Variants in CD28 observed in about 807,000 individuals in gnomAD.
The protein encoded by CD28 is CD28 molecule, also known as T-cell-specific surface glycoprotein CD28.
A neutral mutation model predicts 21.4 loss-of-function variants in CD28; 8 were observed. The ratio of observed to expected loss-of-function variants is 0.37; its 90% CI spans 0.22 to 0.68. The LOEUF (loss-of-function observed/expected upper bound fraction) is 0.68, where lower values mean the gene tolerates loss of function less well. CD28 is among the 30% of genes least tolerant of loss of function. CD28 has a pLI of 0.55. For synonymous variants in CD28, 106 were observed against 104.0 expected, an observed-to-expected ratio of 1.02 and a Z score of -0.12; for missense variants, 239 against 272.2, an observed-to-expected ratio of 0.88 and a Z score of 0.86.
intron 3 of CD28, among the ~76,000 whole-genome samples, chr2:203,730,393 A>G (rs957299915): frequency 2.6e-5 from 4 of 152,182 alleles, no homozygotes; most frequent in Non-Finnish European, 5.9e-5. Flanking sequence ...TTACGTAATA[A>G]ATGTGGTGTA....
At chr2:203,731,751 A>C (rs1185167726) in intron 3 of CD28, among the ~76,000 whole-genome samples, 1 of 151,330 alleles carries the variant, frequency 6.6e-6, no homozygotes, top group Non-Finnish European at 1.5e-5. Context: ...CATCATAGAC[A>C]CACTGGGTTT....
chr2:203,731,551 T>A (rs1693889632), intron 3 of CD28, among the ~76,000 whole-genome samples: 1 of 152,196 alleles, frequency 6.6e-6, no homozygotes, highest in African/African-American at 2.4e-5. Context: ...CAGAAAGTAG[T>A]TTTGGGAATT....
chr2:203,707,685 C>G (rs1050298248), intron 1 of CD28, among the ~76,000 whole-genome samples: 2 of 152,188 alleles, frequency 1.3e-5, no homozygotes, highest in Non-Finnish European at 2.9e-5. Flanking sequence ...AACTTCATTT[C>G]AGATGAAGAG....
In CD28 at chr2:203,737,221, T is replaced by C. The variant is rs1440571075; in HGVS notation, c.*2309T>C. 2 of 152,142 alleles carry C rather than the reference T, an allele frequency of 1.3e-5. No individual in the cohort carries two copies. Among genetic ancestry groups the C allele is most frequent in the Admixed American group, 1.3e-4 (2 of 15,278 alleles). 9.4% of individuals were successfully genotyped at this position (152,142 alleles called of 1,614,324 possible). On this transcript the variant is annotated 3_prime_UTR_variant, in exon 4 of 4. Coordinates refer to ENST00000324106, the MANE Select transcript of CD28 (RefSeq NM_006139.4). ...TACTGTACTTTGGTTGATTTTTAAG[T>C]GGGCTTCCATTCCATGGATTTAATC...
intron 1 of CD28, among the ~76,000 whole-genome samples, chr2:203,724,769 C>T (rs2106118454): frequency 6.6e-6 from 1 of 152,264 alleles, no homozygotes; most frequent in South Asian, 2.1e-4. Flanking sequence ...CAAAACAAAA[C>T]ACCTGTGTAT....
chr2:203,706,490 A>C, upstream of CD28: 1 of 1,496,164 alleles, frequency 6.7e-7, no homozygotes, highest in Non-Finnish European at 9.0e-7. Flanking sequence ...TCATCAAAAC[A>C]ACGTTATATC....
intron 3 of CD28, among the ~76,000 whole-genome samples, chr2:203,732,484 T>A (rs1022482128): frequency 1.5e-4 from 23 of 152,194 alleles, no homozygotes; most frequent in African/African-American, 5.1e-4. Context: ...GTAGATAGTG[T>A]GTGTACAGGT....
At chr2:203,729,353 G>A (rs1469731628) in intron 2 of CD28, among the ~76,000 whole-genome samples, 2 of 152,142 alleles carry the variant, frequency 1.3e-5, no homozygotes, top group Non-Finnish European at 2.9e-5. Flanking sequence ...GTTAGGTTAA[G>A]GCCATTGGAA....
chr2:203,732,032 T>C (rs1693908865), intron 3 of CD28, among the ~76,000 whole-genome samples: 2 of 152,210 alleles, frequency 1.3e-5, no homozygotes, highest in African/African-American at 2.4e-5. Flanking sequence ...GGGCTCATCT[T>C]TTCCTGCTGT....
At chr2:203,727,816 A>C (rs2106120985) in intron 2 of CD28, among the ~76,000 whole-genome samples, 1 of 152,212 alleles carries the variant, frequency 6.6e-6, no homozygotes, top group South Asian at 2.1e-4. Flanking sequence ...AGTAGCTGGG[A>C]CTACAGGTAC....
In CD28 at chr2:203,737,226, T is replaced by C. The variant is rs1244402624; in HGVS notation, c.*2314T>C. The C allele has an allele frequency of 6.6e-6, 1 of 152,180 alleles. No individual in the cohort carries two copies. The allele number at this position is 152,180 out of a possible 1,614,324, so 9.4% of individuals were successfully genotyped here. A position where few individuals can be genotyped will look rare whatever the true frequency, so the allele number is the denominator to read the frequency against. ...TACTTTGGTTGATTTTTAAGTGGGCTTCCATTCCATGGATTTAATCAGTCC... is the reference window on the plus strand; with the variant it reads ...TACTTTGGTTGATTTTTAAGTGGGCCTCCATTCCATGGATTTAATCAGTCC... On this transcript the variant is annotated 3_prime_UTR_variant, in exon 4 of 4. Coordinates refer to ENST00000324106, the MANE Select transcript of CD28 (RefSeq NM_006139.4).
rs375576413 is a variant in CD28 at position 203,708,224 on chromosome 2, C to A, written c.52+1476C>A. Among the ~76,000 whole-genome samples, 11 of 152,158 alleles carry A rather than the reference C, an allele frequency of 7.2e-5. No homozygotes were observed. In the South Asian group the frequency reaches 2.1e-3, roughly 29 times the overall value. On this transcript the variant is annotated intron_variant, in intron 1 of 3. Transcript: ENST00000324106. The stretch of plus-strand genomic sequence containing the variant: ...TATACCCGTTTATTTTATGGTCTGA[C>A]GTACCAGTGAGCACAAATTGTGTAT...
intron 1 of CD28, among the ~76,000 whole-genome samples, chr2:203,723,866 A>G (rs1693673600): frequency 6.6e-6 from 1 of 152,256 alleles, no homozygotes; most frequent in East Asian, 1.9e-4. Context: ...GAGTTACCAT[A>G]TGACCCAGCA....
At chr2:203,709,945 G>T (rs1693266024) in intron 1 of CD28, among the ~76,000 whole-genome samples, 1 of 152,116 alleles carries the variant, frequency 6.6e-6, no homozygotes, top group African/African-American at 2.4e-5. Flanking sequence ...TCTGAGAGAG[G>T]CATGGAAAGC....
intron 1 of CD28, among the ~76,000 whole-genome samples, chr2:203,708,777 T>G (rs1330145498): frequency 6.6e-6 from 1 of 152,204 alleles, no homozygotes; most frequent in Non-Finnish European, 1.5e-5. Context: ...AGGGGACACT[T>G]TTACAGTCTT....
At chr2:203,715,994 T>C (rs1455843068) in intron 1 of CD28, among the ~76,000 whole-genome samples, 2 of 152,192 alleles carry the variant, frequency 1.3e-5, no homozygotes, top group African/African-American at 2.4e-5. Context: ...GCAGTCAAGA[T>C]TGCTTGCTGC....
intron 1 of CD28, among the ~76,000 whole-genome samples, chr2:203,710,544 T>A (rs750708113): frequency 6.6e-6 from 1 of 152,232 alleles, no homozygotes; most frequent in Non-Finnish European, 1.5e-5. Flanking sequence ...TCCTCCTTTT[T>A]AACGTCTTAT....
At chr2:203,716,083 A>G (rs1408971809) in intron 1 of CD28, among the ~76,000 whole-genome samples, 1 of 152,142 alleles carries the variant, frequency 6.6e-6, no homozygotes, top group East Asian at 1.9e-4. Flanking sequence ...AGCATCTCCC[A>G]TGGCCTTTCT....
chr2:203,732,383 A>C (rs1693917528), intron 3 of CD28, among the ~76,000 whole-genome samples: 2 of 152,230 alleles, frequency 1.3e-5, no homozygotes, highest in Admixed American at 6.5e-5. Context: ...TTCTCCATTC[A>C]TGCAGCTGTG....
Sources: gnomAD v4.1 joint callset for allele counts (sites outside exome capture counted in the v4.1 genomes callset) on GRCh38, gnomAD v4.1.1 for gene constraint, MANE v1.5 for transcripts, NCBI Gene and HGNC (gene_info 2026-07-23, HGNC 2026-07-21) for gene names.